The following AHI1 variants were observed in gnomAD, a reference collection of about 807,000 sequenced individuals.
AHI1 encodes the protein Abelson helper integration site 1, also known as jouberin.
Under a neutral mutation model 149.3 loss-of-function variants are expected in AHI1, and 123 were observed. The observed-to-expected ratio is 0.82, with a 90% CI of 0.71 to 0.96. The LOEUF (loss-of-function observed/expected upper bound fraction) is 0.96, where lower values mean the gene tolerates loss of function less well. AHI1 is among the 40% of genes least tolerant of loss of function. The pLI, the probability that AHI1 is intolerant of heterozygous loss-of-function variation, is 0.00. For synonymous variants in AHI1, 475 were observed against 459.8 expected (o/e 1.03, Z -0.42); for missense variants, 1,439 against 1,422.7 (o/e 1.01, Z -0.18).
At chr6:135,483,544 C>G (rs1169223851) in intron 5 of AHI1, among the ~76,000 whole-genome samples, 3 of 152,134 alleles carry the variant, frequency 2.0e-5, no homozygotes, top group Non-Finnish European at 4.4e-5. Flanking sequence ...GCTCAACTAT[C>G]CCCTTTTAAA....
intron 25 of AHI1, among the ~76,000 whole-genome samples, chr6:135,319,932 T>C (rs1179396378): frequency 1.3e-5 from 2 of 152,214 alleles, no homozygotes; most frequent in African/African-American, 2.4e-5. Context: ...TGTTGTTCTC[T>C]TAGAGGACAG....
chr6:135,438,849 T>C (rs1184015696), intron 14 of AHI1, among the ~76,000 whole-genome samples: 2 of 152,196 alleles, frequency 1.3e-5, no homozygotes, highest in Non-Finnish European at 2.9e-5. Flanking sequence ...TTCATTATTA[T>C]TTCACCTGAA....
At chr6:135,376,652 G>A (rs1192415233) in intron 23 of AHI1, among the ~76,000 whole-genome samples, 1 of 151,954 alleles carries the variant, frequency 6.6e-6, no homozygotes, top group Admixed American at 6.6e-5. Context: ...GGGAGGCCAA[G>A]GTGGGCAGAT....
rs370325226 is a variant in AHI1 at position 135,373,929 on chromosome 6, T to C, written c.3110-15742A>G. On this transcript the variant is annotated intron_variant, in intron 23 of 28. Coordinates refer to ENST00000265602, the MANE Select transcript of AHI1 (RefSeq NM_001134831.2). The stretch of plus-strand genomic sequence containing the variant: ...GGCAATATGATACCTATGCATCCTA[T>C]GTCAGTTTTGGCAATCCCCGGGGAT... Among the ~76,000 whole-genome samples the C allele has an allele frequency of 6.6e-5, 10 of 151,892 alleles. No homozygotes were observed. In the East Asian group the frequency reaches 7.7e-4, roughly 12 times the overall value.
Position 135,422,423 on chromosome 6 carries a change from T to C in AHI1, c.2764+4744A>G, listed in dbSNP as rs536691049. Among the ~76,000 whole-genome samples the C allele has an allele frequency of 6.6e-5, 10 of 152,060 alleles. No individual in the cohort carries two copies. In the South Asian group the frequency reaches 1.0e-3, roughly 16 times the overall value. On this transcript the variant is annotated intron_variant, in intron 20 of 28. Coordinates refer to ENST00000265602, the MANE Select transcript of AHI1 (RefSeq NM_001134831.2). ...CGGGAGGCTGAGGTGGGAGGACTGC[T>C]TGAACCCAGGAGGTTGAGGCCGCAG...
At chr6:135,368,691 T>C (rs1164404989) in intron 23 of AHI1, among the ~76,000 whole-genome samples, 1 of 152,108 alleles carries the variant, frequency 6.6e-6, no homozygotes, top group Non-Finnish European at 1.5e-5. Flanking sequence ...AAGGCAGTAG[T>C]TACAGGCCTC....
chr6:135,404,371 T>G (rs1026684937), intron 22 of AHI1, among the ~76,000 whole-genome samples: 1 of 152,216 alleles, frequency 6.6e-6, no homozygotes, highest in African/African-American at 2.4e-5. Context: ...TACACTACCA[T>G]TTTTAGACTA....
intron 16 of AHI1, 101 bp from the exon 17 acceptor site, chr6:135,431,415 G>T (rs567076812): frequency 8.4e-6 from 5 of 595,824 alleles, no homozygotes; most frequent in African/African-American, 7.6e-5. Context: ...AACAGTCAAA[G>T]AATTGAAGGG....
intron 24 of AHI1, among the ~76,000 whole-genome samples, chr6:135,336,396 G>A (rs1442342670): frequency 1.3e-5 from 2 of 152,024 alleles, no homozygotes; most frequent in East Asian, 1.9e-4. Flanking sequence ...CCAGGAGTTC[G>A]AGACAAGCCT....
At chr6:135,368,669 G>A (rs1326003592) in intron 23 of AHI1, among the ~76,000 whole-genome samples, 2 of 152,140 alleles carry the variant, frequency 1.3e-5, no homozygotes, top group African/African-American at 4.8e-5. Flanking sequence ...AGGTCACCAG[G>A]GAAGTGAAGG....
chr6:135,423,295 T>C (rs1783472910), intron 20 of AHI1, among the ~76,000 whole-genome samples: 2 of 152,212 alleles, frequency 1.3e-5, no homozygotes, highest in Admixed American at 1.3e-4. Flanking sequence ...GAAAAAATGC[T>C]ATTCTATAGG....
chr6:135,388,314 C>T (rs947079347), intron 23 of AHI1, among the ~76,000 whole-genome samples: 23 of 152,114 alleles, frequency 1.5e-4, no homozygotes, highest in Non-Finnish European at 2.8e-4. Flanking sequence ...CCAATTCTGA[C>T]GAGATGAGAA....
At chr6:135,335,785 C>T (rs1789281011) in intron 24 of AHI1, among the ~76,000 whole-genome samples, 2 of 152,100 alleles carry the variant, frequency 1.3e-5, no homozygotes, top group South Asian at 4.2e-4. Flanking sequence ...TAACATCCTA[C>T]TCATGATTTA....
At chr6:135,322,584 T>C (rs917898639) in intron 25 of AHI1, among the ~76,000 whole-genome samples, 5 of 152,146 alleles carry the variant, frequency 3.3e-5, no homozygotes, top group Non-Finnish European at 7.4e-5. Flanking sequence ...TCACATCACA[T>C]GGTAAGTTCT....
At chr6:135,397,087 C>A (rs1238536816) in intron 22 of AHI1, among the ~76,000 whole-genome samples, 1 of 151,618 alleles carries the variant, frequency 6.6e-6, no homozygotes, top group Non-Finnish European at 1.5e-5. Flanking sequence ...TAGTTTTTTA[C>A]AGACTATTCA....
At chr6:135,401,314 G>A (rs778439845) in intron 22 of AHI1, among the ~76,000 whole-genome samples, 4 of 152,008 alleles carry the variant, frequency 2.6e-5, no homozygotes, top group Non-Finnish European at 5.9e-5. Context: ...AAGATTATGT[G>A]TCTCTCTACA....
chr6:135,411,295 G>T, intron 21 of AHI1, 53 bp downstream of exon 21: 1 of 1,501,340 alleles, frequency 6.7e-7, no homozygotes, highest in South Asian at 1.2e-5. Context: ...GCATGGCAAT[G>T]TAAAACAGGA....
At chr6:135,393,049 T>A in intron 23 of AHI1, among the ~76,000 whole-genome samples, 1 of 152,190 alleles carries the variant, frequency 6.6e-6, no homozygotes, top group East Asian at 1.9e-4. Context: ...GGCTTAATGG[T>A]CATGCTTCTG....
intron 8 of AHI1, among the ~76,000 whole-genome samples, chr6:135,462,205 A>T (rs1790010092): frequency 6.6e-6 from 1 of 152,060 alleles, no homozygotes; most frequent in Non-Finnish European, 1.5e-5. Flanking sequence ...TCTAATGAAT[A>T]AGTACTATAA....
Sources: gnomAD v4.1 joint callset for allele counts (sites outside exome capture counted in the v4.1 genomes callset) on GRCh38, gnomAD v4.1.1 for gene constraint, MANE v1.5 for transcripts, NCBI Gene and HGNC (gene_info 2026-07-23, HGNC 2026-07-21) for gene names.